The following CPEB4 variants were observed in gnomAD, a reference collection of about 807,000 sequenced individuals.
The protein encoded by CPEB4 is cytoplasmic polyadenylation element binding protein 4, also known as cytoplasmic polyadenylation element-binding protein 4.
In CPEB4, 12 loss-of-function variants were observed where a neutral mutation model predicts 72.5. That is an observed-to-expected ratio of 0.17 (90% CI 0.11 to 0.27). The LOEUF is 0.27. Ranked by LOEUF, CPEB4 falls within the 10% of genes least tolerant of loss-of-function variation. CPEB4 has a pLI of 1.00. For synonymous variants in CPEB4, 302 were observed against 326.3 expected, an observed-to-expected ratio of 0.93 and a Z score of 0.80; for missense variants, 614 against 908.5, an observed-to-expected ratio of 0.68 and a Z score of 4.17.
intron 2 of CPEB4, among the ~76,000 whole-genome samples, chr5:173,911,662 T>A (rs191785293): frequency 4.7e-5 from 7 of 148,790 alleles, no homozygotes; most frequent in Admixed American, 4.1e-4. Context: ...GATAAAAATA[T>A]CAGTTTATTA....
chr5:173,949,696 T>G, intron 6 of CPEB4, 99 bp downstream of exon 6: 1 of 830,650 alleles, frequency 1.2e-6, no homozygotes, highest in Non-Finnish European at 1.9e-6. Flanking sequence ...AATGTTGCAT[T>G]GTTAAACTTG....
chr5:173,944,443 C>CCA (rs1354730150), intron 4 of CPEB4, among the ~76,000 whole-genome samples: 1 of 148,434 alleles, frequency 6.7e-6, no homozygotes, highest in Non-Finnish European at 1.5e-5. Flanking sequence ...CCACTGTACT[C>CCA]CAGCCTGGGT....
At chr5:173,916,076 C>T (rs908074481) in intron 2 of CPEB4, among the ~76,000 whole-genome samples, 1 of 152,116 alleles carries the variant, frequency 6.6e-6, no homozygotes, top group Non-Finnish European at 1.5e-5. Context: ...ATATAATATT[C>T]AATTTGCTTC....
Position 173,894,259 on chromosome 5 carries a change from G to A in CPEB4, c.1125+3401G>A, listed in dbSNP as rs144227420. Among the ~76,000 whole-genome samples the A allele has an allele frequency of 5.6e-3, 852 of 152,210 alleles. 11 individuals are homozygous for A. Among genetic ancestry groups the A allele is most frequent in the African/African-American group, 0.019 (795 of 41,528 alleles). ...ATCCACTCGCAGTGCTGAGATTGCA[G>A]GTGTGAGCCACCGTGCCTGACTGAA... On this transcript the variant is annotated intron_variant, in intron 1 of 9. Transcript: ENST00000265085.
intron 2 of CPEB4, among the ~76,000 whole-genome samples, chr5:173,918,977 G>A (rs185448334): frequency 5.2e-4 from 79 of 152,028 alleles, no homozygotes; most frequent in Admixed American, 1.3e-3. Flanking sequence ...GAGTAGATGG[G>A]GGAAGTATTA....
At chr5:173,902,725 TGACA>T (rs1433798180) in intron 1 of CPEB4, among the ~76,000 whole-genome samples, 3 of 152,222 alleles carry the variant, frequency 2.0e-5, no homozygotes, top group Non-Finnish European at 4.4e-5. Flanking sequence ...CATGGGGCGT[TGACA>T]GACAATGAAT....
intron 2 of CPEB4, chr5:173,910,833 C>A: frequency 2.2e-6 from 1 of 449,544 alleles, no homozygotes; most frequent in Non-Finnish European, 3.9e-6. Flanking sequence ...GTACTAATTG[C>A]CAAGAATGGG....
intron 2 of CPEB4, among the ~76,000 whole-genome samples, chr5:173,930,714 C>T (rs905584590): frequency 5.9e-5 from 9 of 152,024 alleles, no homozygotes; most frequent in East Asian, 1.9e-4. Context: ...GGCAGCCGGG[C>T]GCAGTGGCTC....
At position 173,938,534 on chromosome 5, in the gene CPEB4, C is replaced by A. The variant is rs576983018; in HGVS notation, c.1259-4492C>A. 3.3e-5 allele frequency among the ~76,000 whole-genome samples: 5 copies of A among 152,244 alleles called. No individual in the cohort carries two copies. The East Asian group carries it at 9.7e-4, about 29-fold the overall frequency. On this transcript the variant is annotated intron_variant, in intron 3 of 9. Transcript: ENST00000265085. The stretch of plus-strand genomic sequence containing the variant: ...AGCCACCATGCCTAGCCAAAAGAAG[C>A]CAGTTATCTGATAACATCTTATCAT...
intron 2 of CPEB4, among the ~76,000 whole-genome samples, chr5:173,917,768 T>C (rs971499530): frequency 6.6e-6 from 1 of 152,178 alleles, no homozygotes; most frequent in African/African-American, 2.4e-5. Context: ...CGCAAACCAG[T>C]TAATTTTACT....
intron 3 of CPEB4, among the ~76,000 whole-genome samples, chr5:173,935,581 C>T (rs999673038): frequency 2.6e-5 from 4 of 152,124 alleles, no homozygotes; most frequent in South Asian, 2.1e-4. Context: ...TGTTTTGTTT[C>T]GATAAAAATG....
At chr5:173,947,600 C>T (rs753886476) in intron 5 of CPEB4, among the ~76,000 whole-genome samples, 21 of 151,904 alleles carry the variant, frequency 1.4e-4, no homozygotes, top group African/African-American at 3.4e-4. Flanking sequence ...AATAGAAAGG[C>T]GGAAGGCTAG....
At position 173,961,459 on chromosome 5, in the gene CPEB4, T is replaced by A. The variant is rs1448089283; in HGVS notation, c.*5322T>A. The A allele has an allele frequency of 6.6e-6, 1 of 152,200 alleles. No homozygotes were observed. Among genetic ancestry groups the A allele is most frequent in the Non-Finnish European group, 1.5e-5 (1 of 68,034 alleles). The allele number at this position is 152,200 out of a possible 1,614,324, so 9.4% of individuals were successfully genotyped here. On this transcript the variant is annotated 3_prime_UTR_variant, in exon 10 of 10. Transcript: ENST00000265085. Reference sequence around the variant, plus strand: ...TTACATAGGTGCATTGCTTTGGGTGTTTTAAATCACAGAATGGTGTGTCTG... The same window carrying A: ...TTACATAGGTGCATTGCTTTGGGTGATTTAAATCACAGAATGGTGTGTCTG...
chr5:173,890,687 C>T lies in CPEB4; in HGVS notation c.954C>T (p.Arg318=). Residue 318 remains arginine, a synonymous_variant, in exon 1 of 10, where the codon CGC becomes CGT. Transcript: ENST00000265085. The part of the protein sequence containing the change: ...GWGGSQGRDH[R]RGLNGGITPL... ...GAGGTTCCCAAGGCCGAGATCACCGCAGAGGGCTGAATGGTGGAATAACGC... is the reference window on the plus strand; with the variant it reads ...GAGGTTCCCAAGGCCGAGATCACCGTAGAGGGCTGAATGGTGGAATAACGC... The T allele has an allele frequency of 6.2e-7, 1 of 1,614,168 alleles. No individual in the cohort carries two copies. Among genetic ancestry groups the T allele is most frequent in the Non-Finnish European group, 8.5e-7 (1 of 1,180,042 alleles).
At position 173,952,955 on chromosome 5, in the gene CPEB4, G is replaced by C. The variant is rs1199091962; in HGVS notation, c.1781-136G>C. On this transcript the variant is annotated intron_variant, in intron 8 of 9. Coordinates refer to ENST00000265085, the MANE Select transcript of CPEB4 (RefSeq NM_030627.4). ...GGCTTAACACAATGGATGACTGGTT[G>C]TAGTAATGTTTCATTTTAATAATTA... is the stretch of plus-strand genomic sequence containing the variant. 7 of 688,286 alleles carry C rather than the reference G, an allele frequency of 1.0e-5. No homozygotes were observed. The East Asian group carries it at 1.8e-4, about 18-fold the overall frequency. 42.6% of individuals were successfully genotyped at this position (688,286 alleles called of 1,614,324 possible). A position where few individuals can be genotyped will look rare whatever the true frequency, so the allele number is the denominator to read the frequency against.
At chr5:173,902,644 A>G (rs936135265) in intron 1 of CPEB4, among the ~76,000 whole-genome samples, 2 of 151,728 alleles carry the variant, frequency 1.3e-5, no homozygotes, top group Non-Finnish European at 2.9e-5. Context: ...CTCATTCTCT[A>G]ATGAAAATAA....
chr5:173,949,496 G>T lies in CPEB4; in HGVS notation c.1457-12G>T, dbSNP rs775100149. Reference sequence around the variant, plus strand: ...ATATTTAAATCTACTGTTTTCCTTTGTTGTTTATTAGATGAGATCACAGCT... The same window carrying T: ...ATATTTAAATCTACTGTTTTCCTTTTTTGTTTATTAGATGAGATCACAGCT... On this transcript the variant is annotated splice_polypyrimidine_tract_variant and intron_variant, in intron 5 of 9. Coordinates refer to ENST00000265085, the MANE Select transcript of CPEB4 (RefSeq NM_030627.4). 9 of 1,578,158 alleles carry T rather than the reference G, an allele frequency of 5.7e-6. No individual in the cohort carries two copies. Among genetic ancestry groups the T allele is most frequent in the Non-Finnish European group, 7.8e-6 (9 of 1,153,762 alleles).
intron 2 of CPEB4, among the ~76,000 whole-genome samples, chr5:173,920,407 A>C (rs1166126518): frequency 6.6e-6 from 1 of 152,252 alleles, no homozygotes; most frequent in Non-Finnish European, 1.5e-5. Context: ...ATAACTTTTA[A>C]AAATCTAACT....
At chr5:173,922,071 G>A (rs1434408156) in intron 2 of CPEB4, among the ~76,000 whole-genome samples, 5 of 152,270 alleles carry the variant, frequency 3.3e-5, no homozygotes, top group African/African-American at 1.2e-4. Flanking sequence ...TACCTACAAG[G>A]GTCAATATAG....
Sources: allele counts gnomAD v4.1 joint callset (sites outside exome capture counted in the v4.1 genomes callset), GRCh38; gene constraint gnomAD v4.1.1; transcripts MANE v1.5; gene names NCBI Gene and HGNC (gene_info 2026-07-23, HGNC 2026-07-21).